ACSM1: variants seen among roughly 807,000 people sequenced by gnomAD.
The protein encoded by ACSM1 is acyl-coenzyme A synthetase ACSM1, mitochondrial.
In ACSM1, 79 loss-of-function variants were observed where a neutral mutation model predicts 75.8. That is an observed-to-expected ratio of 1.04 (90% CI 0.87 to 1.26). ACSM1 has a LOEUF of 1.26. Among genes scored for constraint, ACSM1 ranks in the 50% most tolerant of loss-of-function variants. ACSM1 has a pLI of 0.00. For missense variants in ACSM1, 676 were observed against 720.1 expected (o/e 0.94, Z 0.70); for synonymous variants, 279 against 265.8 (o/e 1.05, Z -0.48).
chr16:20,675,233 C>T (rs993850187), intron 4 of ACSM1, among the ~76,000 whole-genome samples: 3 of 151,986 alleles, frequency 2.0e-5, no homozygotes, highest in Non-Finnish European at 4.4e-5. Context: ...TTGTTTTGTC[C>T]GATGAGGAGT....
At chr16:20,663,589 G>C (rs2019405152) in intron 6 of ACSM1, among the ~76,000 whole-genome samples, 1 of 152,190 alleles carries the variant, frequency 6.6e-6, no homozygotes, top group Non-Finnish European at 1.5e-5. Flanking sequence ...GGTTATCTGG[G>C]AAGGGGGAAT....
rs372670693 is a variant in ACSM1, at chr16:20,636,819, T to C, written c.1219A>G (p.Ile407Val). 10 of 1,613,852 alleles carry C rather than the reference T, an allele frequency of 6.2e-6. No individual in the cohort carries two copies. In the African/African-American group the frequency reaches 1.2e-4, roughly 19 times the overall value. ...DVQVIDDKGS[I>V]LPPNTEGNIG... The stretch of plus-strand genomic sequence containing the variant: ...TTTCCTTCTGTGTTAGGTGGCAGGA[T>C]GCTGCCCTTGTCATCAATGACCTGT... Residue 407 changes from isoleucine (I) to valine (V), a missense_variant, in exon 10 of 14, where the codon ATC (isoleucine) becomes GTC (valine). Ile to Val is a conservative substitution (Grantham distance 29). Coordinates refer to ENST00000520010, the MANE Select transcript of ACSM1 (RefSeq NM_001318890.3).
At chr16:20,694,213 T>G (rs1241691552) in intron 1 of ACSM1, among the ~76,000 whole-genome samples, 2 of 152,236 alleles carry the variant, frequency 1.3e-5, no homozygotes, top group Non-Finnish European at 2.9e-5. Flanking sequence ...AAATACAGAA[T>G]GTGAGGTCCC....
At chr16:20,661,455 G>A (rs555474335) in intron 7 of ACSM1, among the ~76,000 whole-genome samples, 23 of 152,226 alleles carry the variant, frequency 1.5e-4, no homozygotes, top group African/African-American at 5.5e-4. Flanking sequence ...TACTGGCAAT[G>A]TTATGTTTTT....
At chr16:20,671,032 A>C (rs396508) in intron 5 of ACSM1, among the ~76,000 whole-genome samples, 2 of 151,906 alleles carry the variant, frequency 1.3e-5, no homozygotes, top group African/African-American at 4.8e-5. Flanking sequence ...GCCCTCTTAG[A>C]GGTGATGGCT....
At chr16:20,695,479 A>G (rs571448232) in intron 1 of ACSM1, among the ~76,000 whole-genome samples, 1 of 152,282 alleles carries the variant, frequency 6.6e-6, no homozygotes, top group Non-Finnish European at 1.5e-5. Context: ...AGGTCTAAAG[A>G]GAAGGAATGG....
At chr16:20,639,626 A>C (rs2017931309) in intron 8 of ACSM1, among the ~76,000 whole-genome samples, 1 of 152,204 alleles carries the variant, frequency 6.6e-6, no homozygotes, top group Non-Finnish European at 1.5e-5. Flanking sequence ...TGGTAAGATG[A>C]CGAGTTGTAC....
chr16:20,627,555 G>A (rs572608747), intron 10 of ACSM1, among the ~76,000 whole-genome samples: 19 of 152,234 alleles, frequency 1.2e-4, no homozygotes, highest in Admixed American at 9.8e-4. Context: ...ATTCTGCCAC[G>A]TGCGGTGGCT....
At chr16:20,672,653 TAA>T (rs1334581065) in intron 4 of ACSM1, among the ~76,000 whole-genome samples, 1 of 130,022 alleles carries the variant, frequency 7.7e-6, no homozygotes, top group Non-Finnish European at 1.5e-5. Context: ...TAAGTATATA[TAA>T]TATATATCAT....
chr16:20,650,810 G>A (rs978989786), intron 7 of ACSM1, among the ~76,000 whole-genome samples: 4 of 152,178 alleles, frequency 2.6e-5, no homozygotes, highest in African/African-American at 7.2e-5. Flanking sequence ...TATGGTCTTT[G>A]TGCACATTTA....
intron 7 of ACSM1, among the ~76,000 whole-genome samples, chr16:20,649,957 C>T (rs1261355778): frequency 6.6e-6 from 1 of 152,214 alleles, no homozygotes; most frequent in East Asian, 1.9e-4. Context: ...TAGTTTGGTG[C>T]CCAAACACGT....
rs147426147 is a variant in ACSM1, at chr16:20,680,879, G to A, written c.611+1377C>T. 3.9e-5 allele frequency: 6 copies of A among 152,328 alleles called. 2 individuals carry two copies. In the South Asian group the frequency reaches 1.0e-3, roughly 26 times the overall value. The allele number at this position is 152,328 out of a possible 1,614,324, so 9.4% of individuals were successfully genotyped here. ...TGGCAACTGCCAGCTAAATGGACAG[G>A]AGCATGTGTGTAGTAACAATCAAGC... is the stretch of plus-strand genomic sequence containing the variant. On this transcript the variant is annotated intron_variant, in intron 4 of 13. Transcript: ENST00000520010.
intron 4 of ACSM1, among the ~76,000 whole-genome samples, chr16:20,677,710 T>C (rs1312640235): frequency 6.6e-6 from 1 of 152,154 alleles, no homozygotes; most frequent in African/African-American, 2.4e-5. Flanking sequence ...GACTCAGTAG[T>C]AGAGGTGCAG....
At chr16:20,672,471 AATATATATAT>A (rs1392857890) in intron 4 of ACSM1, among the ~76,000 whole-genome samples, 1 of 64,574 alleles carries the variant, frequency 1.5e-5, no homozygotes, top group South Asian at 5.7e-4. Flanking sequence ...AAAAAAAAAA[AATATATATAT>A]ATATATATAT....
intron 10 of ACSM1, among the ~76,000 whole-genome samples, chr16:20,632,720 A>G (rs1461109095): frequency 6.6e-6 from 1 of 152,250 alleles, no homozygotes; most frequent in African/African-American, 2.4e-5. Context: ...CCAAAGCCAG[A>G]CAAACACTGC....
rs1293337893 is a variant in ACSM1 at position 20,628,624 on chromosome 16, T to G, written c.1300-1308A>C. ...GCACAAACGGTTTGATCCTTTTTGT[T>G]GCTGAACAGTATTCCATGTTATGGA... On this transcript the variant is annotated intron_variant, in intron 10 of 13. Transcript: ENST00000520010. Among the ~76,000 whole-genome samples the G allele has an allele frequency of 2.6e-5, 4 of 152,220 alleles. No individual in the cohort carries two copies. In the East Asian group the frequency reaches 5.8e-4, roughly 22 times the overall value.
At chr16:20,632,208 C>G (rs1329729230) in intron 10 of ACSM1, among the ~76,000 whole-genome samples, 2 of 152,022 alleles carry the variant, frequency 1.3e-5, no homozygotes, top group Non-Finnish European at 2.9e-5. Context: ...TAAACCCAAG[C>G]ATAGCAGAAG....
intron 8 of ACSM1, among the ~76,000 whole-genome samples, chr16:20,640,056 C>G (rs163235): frequency 0.31 from 46,788 of 152,120 alleles, 9,133 homozygotes; most frequent in African/African-American, 0.55. Flanking sequence ...CATCTTCACA[C>G]GTATAGGACA....
intron 8 of ACSM1, among the ~76,000 whole-genome samples, chr16:20,638,729 A>C (rs1318231845): frequency 6.6e-6 from 1 of 152,220 alleles, no homozygotes; most frequent in Non-Finnish European, 1.5e-5. Flanking sequence ...ACTTGGACCC[A>C]GGTCTGTGCT....
Sources: allele counts gnomAD v4.1 joint callset (sites outside exome capture counted in the v4.1 genomes callset), GRCh38; gene constraint gnomAD v4.1.1; transcripts MANE v1.5; gene names NCBI Gene and HGNC (gene_info 2026-07-23, HGNC 2026-07-21).